FHIT: variants seen among roughly 807,000 people sequenced by gnomAD.
The protein encoded by FHIT is fragile histidine triad diadenosine triphosphatase.
In FHIT, 19 loss-of-function variants were observed where a neutral mutation model predicts 17.9. The observed-to-expected ratio is 1.06, with a 90% CI of 0.74 to 1.56. The LOEUF (loss-of-function observed/expected upper bound fraction) is 1.56. Among genes scored for constraint, FHIT ranks in the 40% most tolerant of loss-of-function variants. FHIT has a pLI of 0.00. For synonymous variants in FHIT, 81 were observed against 69.7 expected (o/e 1.16, Z -0.81); for missense variants, 248 against 189.2 (o/e 1.31, Z -1.82).
At chr3:60,334,078 T>C (rs1710119440) in intron 5 of FHIT, among the ~76,000 whole-genome samples, 1 of 152,202 alleles carries the variant, frequency 6.6e-6, no homozygotes, top group African/African-American at 2.4e-5. Flanking sequence ...CCTTCTTCCT[T>C]GGCAATACTT....
At chr3:59,932,278 T>C (rs1047163058) in intron 7 of FHIT, among the ~76,000 whole-genome samples, 1 of 152,190 alleles carries the variant, frequency 6.6e-6, no homozygotes, top group Non-Finnish European at 1.5e-5. Flanking sequence ...TTTTTATTTT[T>C]TATTTTTTGG....
intron 2 of FHIT, among the ~76,000 whole-genome samples, chr3:61,139,149 C>A (rs567621880): frequency 6.6e-6 from 1 of 151,974 alleles, no homozygotes; most frequent in East Asian, 1.9e-4. Flanking sequence ...CCTGCCTCAG[C>A]CTCCTGAGTA....
At chr3:60,172,042 C>T (rs546485059) in intron 5 of FHIT, among the ~76,000 whole-genome samples, 1 of 152,134 alleles carries the variant, frequency 6.6e-6, no homozygotes, top group Non-Finnish European at 1.5e-5. Context: ...TCCAAACAGC[C>T]CCAGTTTTTA....
chr3:60,282,691 G>A (rs548001072), intron 5 of FHIT, among the ~76,000 whole-genome samples: 28 of 152,148 alleles, frequency 1.8e-4, no homozygotes, highest in African/African-American at 6.5e-4. Flanking sequence ...GAATAGTGGC[G>A]ACACGGAAGG....
intron 7 of FHIT, among the ~76,000 whole-genome samples, chr3:59,962,191 G>A (rs1193631310): frequency 6.6e-6 from 1 of 152,162 alleles, no homozygotes; most frequent in Non-Finnish European, 1.5e-5. Context: ...TTGAAAGCCA[G>A]TTCATATGGT....
At chr3:60,633,260 G>A (rs1030582302) in intron 4 of FHIT, among the ~76,000 whole-genome samples, 2 of 152,096 alleles carry the variant, frequency 1.3e-5, no homozygotes, top group Admixed American at 1.3e-4. Flanking sequence ...CCGATTGCAC[G>A]ATGAACTAGC....
Position 59,977,962 on chromosome 3 carries a change from G to C in FHIT, c.279+33409C>G, listed in dbSNP as rs151316737. Among the ~76,000 whole-genome samples the C allele has an allele frequency of 8.9e-4, 136 of 152,264 alleles. 1 individual carries two copies. Among genetic ancestry groups the C allele is most frequent in the Middle Eastern group, 3.4e-3 (1 of 294 alleles). On this transcript the variant is annotated intron_variant, in intron 7 of 9. Transcript: ENST00000492590. ...TTAGACGAAAGACAGTCATGAAGTT[G>C]TTTGTGAAGACTCTCATCAGACAAG...
chr3:60,299,853 C>T lies in FHIT; in HGVS notation c.103+237007G>A, dbSNP rs140463668. ...TGGAGGTAGGAGTAGGTAGGCCACACGTTTTTCAATGTGTGTATGTGTGGT... is the reference window on the plus strand; with the variant it reads ...TGGAGGTAGGAGTAGGTAGGCCACATGTTTTTCAATGTGTGTATGTGTGGT... On this transcript the variant is annotated intron_variant, in intron 5 of 9. Transcript: ENST00000492590. 2.1e-3 allele frequency among the ~76,000 whole-genome samples: 326 copies of T among 152,156 alleles called. 2 individuals are homozygous for T. Among genetic ancestry groups the T allele is most frequent in the South Asian group, 5.0e-3 (24 of 4,818 alleles).
At chr3:59,763,488 A>G (rs979256921) in intron 8 of FHIT, among the ~76,000 whole-genome samples, 1 of 152,250 alleles carries the variant, frequency 6.6e-6, no homozygotes, top group Non-Finnish European at 1.5e-5. Flanking sequence ...ATCCCCAAGC[A>G]TTTAAAGCTT....
At chr3:61,160,570 A>G (rs542966869) in intron 2 of FHIT, among the ~76,000 whole-genome samples, 2 of 152,302 alleles carry the variant, frequency 1.3e-5, no homozygotes, top group South Asian at 4.1e-4. Flanking sequence ...AGTGGAAGAG[A>G]TAAGTATATT....
intron 4 of FHIT, among the ~76,000 whole-genome samples, chr3:60,737,825 G>A (rs1407043326): frequency 6.6e-6 from 1 of 152,184 alleles, no homozygotes; most frequent in East Asian, 1.9e-4. Flanking sequence ...TAAGTACACA[G>A]TTGCTTTCTC....
At chr3:61,228,721 C>T (rs551145091) in intron 1 of FHIT, among the ~76,000 whole-genome samples, 2 of 152,266 alleles carry the variant, frequency 1.3e-5, no homozygotes, top group Admixed American at 1.3e-4. Context: ...ATTGGCCAAA[C>T]TGGAAAATAT....
chr3:59,781,316 T>A (rs922963338), intron 8 of FHIT, among the ~76,000 whole-genome samples: 1 of 152,254 alleles, frequency 6.6e-6, no homozygotes, highest in Non-Finnish European at 1.5e-5. Flanking sequence ...GACAGACGGA[T>A]GAGGCATTTC....
intron 5 of FHIT, among the ~76,000 whole-genome samples, chr3:60,440,701 TC>T (rs2030721166): frequency 6.6e-6 from 1 of 152,016 alleles, no homozygotes; most frequent in African/African-American, 2.4e-5. Flanking sequence ...TTTATATAAA[TC>T]CAAAGTTTTT....
intron 5 of FHIT, among the ~76,000 whole-genome samples, chr3:60,114,277 G>T (rs1021615818): frequency 6.7e-6 from 1 of 149,804 alleles, no homozygotes; most frequent in Non-Finnish European, 1.5e-5. Context: ...TAGGAGCAGG[G>T]CTGCGACTAG....
intron 4 of FHIT, among the ~76,000 whole-genome samples, chr3:60,722,941 G>C (rs562736448): frequency 6.6e-6 from 1 of 151,898 alleles, no homozygotes; most frequent in Admixed American, 6.6e-5. Flanking sequence ...CGCTGGTCTC[G>C]AACTCCTGAC....
chr3:60,568,099 A>G (rs958635542), intron 4 of FHIT, among the ~76,000 whole-genome samples: 5 of 152,204 alleles, frequency 3.3e-5, no homozygotes, highest in Non-Finnish European at 5.9e-5. Flanking sequence ...CAGCAATCCC[A>G]TTACTGAGTA....
intron 4 of FHIT, among the ~76,000 whole-genome samples, chr3:60,801,547 C>T (rs1219962893): frequency 6.6e-5 from 10 of 152,252 alleles, no homozygotes; most frequent in African/African-American, 2.4e-4. Flanking sequence ...CTGGCCTTCT[C>T]ATTGGCTCAT....
intron 2 of FHIT, among the ~76,000 whole-genome samples, chr3:61,102,059 C>G: frequency 6.6e-6 from 1 of 152,110 alleles, no homozygotes. Flanking sequence ...TTTATCTTGC[C>G]TTATTGCCCT....
Sources: gnomAD v4.1 joint callset for allele counts (sites outside exome capture counted in the v4.1 genomes callset) on GRCh38, gnomAD v4.1.1 for gene constraint, MANE v1.5 for transcripts, NCBI Gene and HGNC (gene_info 2026-07-23, HGNC 2026-07-21) for gene names.